The following JMY variants were observed in gnomAD, a reference collection of about 807,000 sequenced individuals.
JMY encodes the protein junction-mediating and -regulatory protein.
A neutral mutation model predicts 103.3 loss-of-function variants in JMY; 46 were observed. That is an observed-to-expected ratio of 0.45 (90% CI 0.35 to 0.57). The LOEUF is 0.57. Among genes scored for constraint, JMY ranks in the 20% least tolerant of loss-of-function variants. The pLI is 0.00. For missense variants in JMY, 1,238 were observed against 1,255.2 expected, an observed-to-expected ratio of 0.99 and a Z score of 0.21; for synonymous variants, 526 against 489.3, an observed-to-expected ratio of 1.07 and a Z score of -0.99.
At chr5:79,239,022 A>G (rs958004893) in intron 1 of JMY, among the ~76,000 whole-genome samples, 4 of 152,110 alleles carry the variant, frequency 2.6e-5, no homozygotes, top group African/African-American at 7.2e-5. Context: ...CTGCTTATGT[A>G]TATATAATAG....
chr5:79,246,952 A>G (rs1466745575), intron 1 of JMY, among the ~76,000 whole-genome samples: 4 of 152,100 alleles, frequency 2.6e-5, no homozygotes, highest in Non-Finnish European at 5.9e-5. Context: ...GATAAATCTA[A>G]ACTTTGATTA....
chr5:79,246,856 T>A (rs1744919657), intron 1 of JMY, among the ~76,000 whole-genome samples: 1 of 151,510 alleles, frequency 6.6e-6, no homozygotes, highest in African/African-American at 2.4e-5. Context: ...CACTCTAGCC[T>A]GGGCGACAGA....
At chr5:79,300,340 A>C (rs201931204) in intron 5 of JMY, 22 bp downstream of exon 5, 4 of 1,489,068 alleles carry the variant, frequency 2.7e-6, no homozygotes, top group Non-Finnish European at 3.6e-6. Context: ...ATTTAACCAC[A>C]TAAGTTCACC....
intron 1 of JMY, among the ~76,000 whole-genome samples, chr5:79,263,958 C>A (rs1268711723): frequency 6.6e-6 from 1 of 151,674 alleles, no homozygotes; most frequent in Non-Finnish European, 1.5e-5. Context: ...CCACCACACC[C>A]AGCTAATTAG....
At chr5:79,261,095 C>G (rs907201077) in intron 1 of JMY, among the ~76,000 whole-genome samples, 1 of 152,128 alleles carries the variant, frequency 6.6e-6, no homozygotes, top group Non-Finnish European at 1.5e-5. Context: ...AAAAGTTAAG[C>G]TGGGAACTGG....
In JMY at chr5:79,236,817, G is replaced by A. The variant is rs769196049; in HGVS notation, c.167G>A (p.Ser56Asn). Residue 56 changes from serine to asparagine, a missense_variant, in exon 1 of 11, where the codon AGC becomes AAC. Ser to Asn is a conservative substitution (Grantham distance 46, BLOSUM62 1). Transcript: ENST00000396137. ...AACCGGACGGCCCAGAGGCAGAGGA[G>A]CGGCTCCCGGGAGCAAGCGGGGGCG... ...CHNRTAQRQR[S>N]GSREQAGARG... The A allele has an allele frequency of 2.7e-6, 4 of 1,479,624 alleles. No individual in the cohort carries two copies. Among genetic ancestry groups the A allele is most frequent in the African/African-American group, 1.5e-5 (1 of 68,362 alleles). 91.7% of individuals were successfully genotyped at this position (1,479,624 alleles called of 1,614,324 possible). A position where few individuals can be genotyped will look rare whatever the true frequency, so the allele number is the denominator to read the frequency against.
At chr5:79,279,292 C>T (rs1464048313) in intron 2 of JMY, among the ~76,000 whole-genome samples, 6 of 152,224 alleles carry the variant, frequency 3.9e-5, no homozygotes, top group Admixed American at 3.3e-4. Context: ...CGAGATTGCA[C>T]CACTGCACTC....
intron 6 of JMY, among the ~76,000 whole-genome samples, chr5:79,304,760 A>G (rs1230759273): frequency 2.6e-5 from 4 of 152,232 alleles, no homozygotes; most frequent in African/African-American, 9.6e-5. Flanking sequence ...TATATGGTAT[A>G]TACAACTTAA....
At position 79,325,881 on chromosome 5, in the gene JMY, AGT is replaced by A. The variant is rs1211796253; in HGVS notation, c.*4283_*4284del. The A allele has an allele frequency of 4.6e-5, 7 of 152,040 alleles. No homozygotes were observed. Among genetic ancestry groups the A allele is most frequent in the African/African-American group, 2.4e-5 (1 of 41,408 alleles). The allele number at this position is 152,040 out of a possible 1,614,324, so 9.4% of individuals were successfully genotyped here. A position where few individuals can be genotyped will look rare whatever the true frequency, so the allele number is the denominator to read the frequency against. Reference sequence around the variant, plus strand: ...CGGGAGGGAGTCTAGATTCGGCGAGAGTGTGCGTTTGTGTGTGTGAATGTATG... The same window carrying A: ...CGGGAGGGAGTCTAGATTCGGCGAGAGTGCGTTTGTGTGTGTGAATGTATG... On this transcript the variant is annotated 3_prime_UTR_variant, in exon 11 of 11. Coordinates refer to ENST00000396137, the MANE Select transcript of JMY (RefSeq NM_152405.5).
In JMY at chr5:79,236,602, G is replaced by A. The variant is rs1744508314; in HGVS notation, c.-49G>A. ...CGGCGCAGCCAGCGGGGAGTCCTCGGGCGGGCCGGGCCGGCGGCCCTTCCC... is the reference window on the plus strand; with the variant it reads ...CGGCGCAGCCAGCGGGGAGTCCTCGAGCGGGCCGGGCCGGCGGCCCTTCCC... On this transcript the variant is annotated 5_prime_UTR_variant, in exon 1 of 11. Transcript: ENST00000396137. The A allele has an allele frequency of 3.8e-6, 5 of 1,323,256 alleles. No homozygotes were observed. Among genetic ancestry groups the A allele is most frequent in the Non-Finnish European group, 4.9e-6 (5 of 1,024,692 alleles). The allele number at this position is 1,323,256 out of a possible 1,614,324, so 82.0% of individuals were successfully genotyped here. A position where few individuals can be genotyped will look rare whatever the true frequency, so the allele number is the denominator to read the frequency against.
At position 79,326,616 on chromosome 5, in the gene JMY, A is replaced by G. The variant is rs960112041; in HGVS notation, c.*5014A>G. On this transcript the variant is annotated 3_prime_UTR_variant, in exon 11 of 11. Coordinates refer to ENST00000396137, the MANE Select transcript of JMY (RefSeq NM_152405.5). ...AGTGTGCAAACTATAATATGTAGTT[A>G]ATGAAAAATGGAAGGCTGCAGATTA... 6.6e-6 allele frequency: 1 copy of G among 152,212 alleles called. No homozygotes were observed. Among genetic ancestry groups the G allele is most frequent in the Admixed American group, 6.5e-5 (1 of 15,284 alleles). The allele number at this position is 152,212 out of a possible 1,614,324, so 9.4% of individuals were successfully genotyped here.
chr5:79,323,234 G>A lies in JMY; in HGVS notation c.*1632G>A, dbSNP rs903720307. On this transcript the variant is annotated 3_prime_UTR_variant, in exon 11 of 11. Coordinates refer to ENST00000396137, the MANE Select transcript of JMY (RefSeq NM_152405.5). The stretch of plus-strand genomic sequence containing the variant: ...GCTAAAGTGCTAGGATTATAGGCGT[G>A]AGCCTCTGTGCCCAGCCTGACAAAA... 1 of 152,258 alleles carries A rather than the reference G, an allele frequency of 6.6e-6. No individual in the cohort carries two copies. The highest frequency in any genetic ancestry group is 2.4e-5 in the African/African-American group (1 of 41,472). The allele number at this position is 152,258 out of a possible 1,614,324, so 9.4% of individuals were successfully genotyped here.
chr5:79,314,413 A>G lies in JMY; in HGVS notation c.2221A>G (p.Arg741Gly), dbSNP rs537709932. The G allele has an allele frequency of 6.2e-7, 1 of 1,614,164 alleles. No homozygotes were observed. Among genetic ancestry groups the G allele is most frequent in the African/African-American group, 1.3e-5 (1 of 75,042 alleles). Residue 741 changes from arginine to glycine, a missense_variant, in exon 9 of 11, where the codon AGA becomes GGA. By Grantham distance (125) the Arg-to-Gly change is moderately radical. Transcript: ENST00000396137. ...GAAAACTGAAGAGGTGGGAGAAGGA[A>G]GAGTCAAGCGTGGGCCATCACAGAC... ...EEKTEEVGEG[R>G]VKRGPSQTTE...
intron 4 of JMY, among the ~76,000 whole-genome samples, chr5:79,296,327 G>A (rs1196192719): frequency 6.6e-6 from 1 of 152,142 alleles, no homozygotes; most frequent in Non-Finnish European, 1.5e-5. Flanking sequence ...GTCAACTTGT[G>A]TTACCCATAT....
chr5:79,250,163 C>T (rs1170705795), intron 1 of JMY, among the ~76,000 whole-genome samples: 2 of 152,098 alleles, frequency 1.3e-5, no homozygotes, highest in African/African-American at 2.4e-5. Flanking sequence ...TACTAAAAAC[C>T]GTGTTTGTAA....
chr5:79,300,788 T>G lies in JMY; in HGVS notation c.1806T>G (p.Leu602=). 6.2e-7 allele frequency: 1 copy of G among 1,611,996 alleles called. No homozygotes were observed. Among genetic ancestry groups the G allele is most frequent in the Non-Finnish European group, 8.5e-7 (1 of 1,179,326 alleles). Residue 602 remains leucine, a synonymous_variant, in exon 6 of 11, where the codon CTT becomes CTG. Transcript: ENST00000396137. ...TACAGAGAGAAGAGCTGCAGAAACT[T>G]CAGCAGAAAGCACGCCAGCTGGAAG... ...AYLQREELQK[L]QQKARQLEAR... is the part of the protein sequence containing the mutation.
At chr5:79,250,740 A>G (rs1261141681) in intron 1 of JMY, among the ~76,000 whole-genome samples, 1 of 145,724 alleles carries the variant, frequency 6.9e-6, no homozygotes, top group Admixed American at 7.0e-5. Flanking sequence ...TTACCCCACT[A>G]TTAATTCTTT....
At chr5:79,252,616 T>A (rs1745121844) in intron 1 of JMY, among the ~76,000 whole-genome samples, 1 of 152,194 alleles carries the variant, frequency 6.6e-6, no homozygotes, top group African/African-American at 2.4e-5. Flanking sequence ...AGCTCTAATA[T>A]TTGCTTTATA....
intron 1 of JMY, among the ~76,000 whole-genome samples, chr5:79,268,161 T>C (rs1225109721): frequency 2.6e-5 from 4 of 152,176 alleles, no homozygotes; most frequent in Admixed American, 6.5e-5. Context: ...GAAAATCACT[T>C]GAGCCCAGGA....
Sources: gnomAD v4.1 joint callset for allele counts (sites outside exome capture counted in the v4.1 genomes callset) on GRCh38, gnomAD v4.1.1 for gene constraint, MANE v1.5 for transcripts, NCBI Gene and HGNC (gene_info 2026-07-23, HGNC 2026-07-21) for gene names.